The following CLEC2A variants were observed in gnomAD, a reference collection of about 807,000 sequenced individuals.
CLEC2A encodes keratinocyte-associated C-type lectin.
Under a neutral mutation model 18.6 loss-of-function variants are expected in CLEC2A, and 19 were observed. The ratio of observed to expected loss-of-function variants is 1.02; its 90% CI spans 0.71 to 1.50. CLEC2A has a LOEUF of 1.50. Ranked by LOEUF, CLEC2A falls within the 40% of genes most tolerant of loss-of-function variation. The pLI, the probability that CLEC2A is intolerant of heterozygous loss-of-function variation, is 0.00. For missense variants in CLEC2A, 190 were observed against 207.9 expected, an observed-to-expected ratio of 0.91 and a Z score of 0.53; for synonymous variants, 74 against 64.0, an observed-to-expected ratio of 1.16 and a Z score of -0.75.
At chr12:9,931,769 C>G (rs1863379315) in intron 1 of CLEC2A, among the ~76,000 whole-genome samples, 2 of 152,156 alleles carry the variant, frequency 1.3e-5, no homozygotes, top group Non-Finnish European at 2.9e-5. Flanking sequence ...TTAACATAAA[C>G]CCTCAGAACT....
At chr12:9,885,411 AC>A in the CLEC2A span, among the ~76,000 whole-genome samples, 2 of 151,868 alleles carry the variant, frequency 1.3e-5, no homozygotes, top group African/African-American at 4.8e-5. Flanking sequence ...CTGAAGTGGT[AC>A]TTATATGTGT....
At chr12:9,886,621 T>C in the CLEC2A span, among the ~76,000 whole-genome samples, 1 of 152,110 alleles carries the variant, frequency 6.6e-6, no homozygotes, top group Non-Finnish European at 1.5e-5. Flanking sequence ...TTATTACCAA[T>C]TAAATTTAAA....
chr12:9,906,537 T>A (rs1257598627), intron 4 of CLEC2A, among the ~76,000 whole-genome samples: 3 of 152,190 alleles, frequency 2.0e-5, no homozygotes, highest in African/African-American at 4.8e-5. Flanking sequence ...GTCCAAATCT[T>A]CCCGAAGGTA....
At chr12:9,910,715 G>T (rs990559295), downstream of CLEC2A, among the ~76,000 whole-genome samples, 6 of 149,354 alleles carry the variant, frequency 4.0e-5, no homozygotes, top group Non-Finnish European at 8.8e-5. Context: ...AGAGTTACCT[G>T]GTTGCCGTGG....
chr12:9,910,207 AT>A (rs1326440248), downstream of CLEC2A, among the ~76,000 whole-genome samples: 1 of 152,180 alleles, frequency 6.6e-6, no homozygotes, highest in Non-Finnish European at 1.5e-5. Flanking sequence ...GCTTTCTTTT[AT>A]GTTTGGTTCT....
intron 4 of CLEC2A, among the ~76,000 whole-genome samples, chr12:9,905,930 A>T (rs180921676): frequency 6.6e-6 from 1 of 151,970 alleles, no homozygotes; most frequent in African/African-American, 2.4e-5. Context: ...GATTGGAGAC[A>T]TTTCTGTGTG....
intron 4 of CLEC2A, among the ~76,000 whole-genome samples, chr12:9,901,115 G>A (rs7307390): frequency 0.044 from 6,757 of 152,208 alleles, 357 homozygotes; most frequent in African/African-American, 0.13. Flanking sequence ...TCCAAGCAAA[G>A]GTTAAAAAGG....
chr12:9,909,872 G>C (rs146942077), downstream of CLEC2A, among the ~76,000 whole-genome samples: 226 of 152,036 alleles, frequency 1.5e-3, no homozygotes, highest in African/African-American at 5.3e-3. Context: ...TTGAGGGGGA[G>C]AATTGGGGGT....
intron 4 of CLEC2A, among the ~76,000 whole-genome samples, chr12:9,905,698 T>G (rs1362028195): frequency 6.6e-6 from 1 of 152,100 alleles, no homozygotes; most frequent in African/African-American, 2.4e-5. Context: ...TGCCAGGGGG[T>G]ATGGTATTCC....
At chr12:9,893,114 T>A in the CLEC2A span, 1 of 1,535,892 alleles carries the variant, frequency 6.5e-7, no homozygotes, top group Admixed American at 2.0e-5. Flanking sequence ...AGAGTCAACG[T>A]GATTGTACAC....
chr12:9,918,847 A>G (rs1863116382), intron 3 of CLEC2A, among the ~76,000 whole-genome samples: 2 of 152,184 alleles, frequency 1.3e-5, no homozygotes, highest in Admixed American at 1.3e-4. Flanking sequence ...TGCAGTGTAT[A>G]TTTAGTACAG....
chr12:9,887,273 G>A, the CLEC2A span, among the ~76,000 whole-genome samples: 1 of 152,076 alleles, frequency 6.6e-6, no homozygotes, highest in Admixed American at 6.6e-5. Flanking sequence ...CATAGAAAGA[G>A]ATGATAGATT....
chr12:9,888,352 T>A, the CLEC2A span, among the ~76,000 whole-genome samples: 2 of 151,652 alleles, frequency 1.3e-5, no homozygotes, highest in Non-Finnish European at 2.9e-5. Flanking sequence ...TAGCTGGGCA[T>A]GGTGGTGCGC....
At chr12:9,928,823 A>G (rs941394811) in intron 1 of CLEC2A, among the ~76,000 whole-genome samples, 3 of 152,248 alleles carry the variant, frequency 2.0e-5, no homozygotes, top group South Asian at 2.1e-4. Context: ...TGCACTGTTA[A>G]AATGAAAAAG....
chr12:9,912,312 G>A (rs7966844), downstream of CLEC2A, among the ~76,000 whole-genome samples: 235 of 152,182 alleles, frequency 1.5e-3, no homozygotes, highest in African/African-American at 5.3e-3. Flanking sequence ...CCCTTAGGCC[G>A]TGAGTCCCAA....
intron 4 of CLEC2A, among the ~76,000 whole-genome samples, chr12:9,915,705 G>A (rs1245832594): frequency 6.6e-6 from 1 of 152,104 alleles, no homozygotes; most frequent in Non-Finnish European, 1.5e-5. Context: ...GGCAGTAGGG[G>A]GTGGGAGAAA....
the CLEC2A span, among the ~76,000 whole-genome samples, chr12:9,889,617 C>T: frequency 6.6e-6 from 1 of 151,520 alleles, no homozygotes; most frequent in Non-Finnish European, 1.5e-5. Context: ...GAGACAATAC[C>T]TTAAATCTCT....
intron 3 of CLEC2A, among the ~76,000 whole-genome samples, 167 bp downstream of exon 3, chr12:9,921,899 T>A (rs750882799): frequency 2.0e-5 from 3 of 152,236 alleles, no homozygotes; most frequent in African/African-American, 7.2e-5. Context: ...TTGCTCTTGC[T>A]GTCTCAAGGG....
chr12:9,882,759 T>A, the CLEC2A span, among the ~76,000 whole-genome samples: 5 of 150,816 alleles, frequency 3.3e-5, no homozygotes, highest in South Asian at 4.3e-4. Flanking sequence ...CCAGCCTGAG[T>A]GACAGAGCAA....
Sources: allele counts gnomAD v4.1 joint callset (sites outside exome capture counted in the v4.1 genomes callset), GRCh38; gene constraint gnomAD v4.1.1; transcripts MANE v1.5; gene names NCBI Gene and HGNC (gene_info 2026-07-23, HGNC 2026-07-21).